The following ABCB9 variants were observed in gnomAD, a reference collection of about 807,000 sequenced individuals.
ABCB9 encodes ABC-type oligopeptide transporter ABCB9.
In ABCB9, 36 loss-of-function variants were observed where a neutral mutation model predicts 62.0. The observed-to-expected ratio is 0.58, with a 90% CI of 0.45 to 0.77. The LOEUF is 0.77. Among genes scored for constraint, ABCB9 ranks in the 30% least tolerant of loss-of-function variants. The pLI is 0.00. For synonymous variants in ABCB9, 435 were observed against 461.4 expected (o/e 0.94, Z 0.73); for missense variants, 943 against 1,054.7 (o/e 0.89, Z 1.47).
Position 122,946,017 on chromosome 12 carries a change from G to T in ABCB9, c.1251+8C>A, listed in dbSNP as rs2036026733. ...CACAGCCAGAGCTGCCTGGCCAGGG[G>T]CACGTACCCCGCTGCCCCAGACGTA... On this transcript the variant is annotated splice_region_variant and intron_variant, in intron 6 of 11. Coordinates refer to ENST00000280560, the MANE Select transcript of ABCB9 (RefSeq NM_019625.4). 1 of 1,612,768 alleles carries T rather than the reference G, an allele frequency of 6.2e-7. No homozygotes were observed. The highest frequency in any genetic ancestry group is 1.3e-5 in the African/African-American group (1 of 74,864).
In ABCB9 at chr12:122,945,930, A is replaced by G. The variant is rs74777157; in HGVS notation, c.1251+95T>C. The G allele has an allele frequency of 1.4e-3, 1,656 of 1,168,986 alleles. 14 individuals are homozygous for G. In the African/African-American group the frequency reaches 0.021, roughly 15 times the overall value. 72.4% of individuals were successfully genotyped at this position (1,168,986 alleles called of 1,614,324 possible). A position where few individuals can be genotyped will look rare whatever the true frequency, so the allele number is the denominator to read the frequency against. ...CAGACAGATTCTCCACCAGCTTGAC[A>G]CCAACATGCAGGACTGATGTCCTAG... On this transcript the variant is annotated intron_variant, in intron 6 of 11. Coordinates refer to ENST00000280560, the MANE Select transcript of ABCB9 (RefSeq NM_019625.4).
At chr12:122,957,412 GA>G (rs1403804565) in intron 2 of ABCB9, among the ~76,000 whole-genome samples, 1 of 152,106 alleles carries the variant, frequency 6.6e-6, no homozygotes, top group African/African-American at 2.4e-5. Context: ...ACAGAGGAGG[GA>G]AGTGAGGCTC....
intron 2 of ABCB9, among the ~76,000 whole-genome samples, chr12:122,955,796 C>G (rs929765971): frequency 2.0e-5 from 3 of 151,798 alleles, no homozygotes; most frequent in African/African-American, 7.3e-5. Flanking sequence ...ACTGCAGCCT[C>G]CACCTCCTGG....
At chr12:122,925,485 A>G (rs978439699), downstream of ABCB9, among the ~76,000 whole-genome samples, 4 of 152,142 alleles carry the variant, frequency 2.6e-5, no homozygotes, top group Non-Finnish European at 4.4e-5. Flanking sequence ...GCGGTGGCTC[A>G]TGCCTGTAAT....
intron 1 of ABCB9, among the ~76,000 whole-genome samples, chr12:122,961,237 G>A (rs2036885983): frequency 6.6e-6 from 1 of 151,906 alleles, no homozygotes; most frequent in Admixed American, 6.6e-5. Flanking sequence ...GCCCAGGCTG[G>A]AGTACAGTGG....
At chr12:122,969,152 C>T (rs564204167), upstream of ABCB9, among the ~76,000 whole-genome samples, 67 of 143,708 alleles carry the variant, frequency 4.7e-4, no homozygotes, top group Non-Finnish European at 1.2e-4. Context: ...CCACCAGTCA[C>T]TGCCTTCCCA....
intron 9 of ABCB9, among the ~76,000 whole-genome samples, chr12:122,938,217 TAAAACAAAAC>T (rs756119000): frequency 1.4e-4 from 21 of 152,120 alleles, no homozygotes; most frequent in African/African-American, 4.1e-4. Flanking sequence ...TTGGTAATGG[TAAAACAAAAC>T]AAAACAAAAC....
rs1461640191 is a variant in ABCB9, at chr12:122,947,426, C to T, written c.1053+1198G>A. On this transcript the variant is annotated intron_variant, in intron 5 of 11. Coordinates refer to ENST00000280560, the MANE Select transcript of ABCB9 (RefSeq NM_019625.4). This position sits in a 1 kb window ranked among gnomAD's most constrained non-coding sequence, Gnocchi z 6.0. ...AGATGGCTTCCTTTGCTACCCTGGT[C>T]TCAGGTCACCAACACCAAAGGCTCC... 2.3e-6 allele frequency: 1 copy of T among 443,008 alleles called. No homozygotes were observed. Among genetic ancestry groups the T allele is most frequent in the Non-Finnish European group, 4.6e-6 (1 of 219,394 alleles). 27.4% of individuals were successfully genotyped at this position (443,008 alleles called of 1,614,324 possible). A position where few individuals can be genotyped will look rare whatever the true frequency, so the allele number is the denominator to read the frequency against.
At chr12:122,962,400 G>A (rs2036950303) in intron 1 of ABCB9, among the ~76,000 whole-genome samples, 3 of 152,204 alleles carry the variant, frequency 2.0e-5, no homozygotes, top group South Asian at 2.1e-4. Flanking sequence ...GGGTGACAGC[G>A]GGGATGACTG....
Position 122,940,243 on chromosome 12 carries a change from C to CCCGAGGGCCCG in ABCB9, c.1610_1611insCGGGCCCTCGG (p.Val538GlyfsTer48). The CCCGAGGGCCCG allele has an allele frequency of 1.9e-6, 3 of 1,609,850 alleles. No individual in the cohort carries two copies. The highest frequency in any genetic ancestry group is 2.5e-6 in the Non-Finnish European group (3 of 1,177,428). ...TCTTCCCACTGCCCGAGGGCCCCAC[C>CCCGAGGGCCCG]AGGGCCGTCACCTTGCCGGGGGACA... On this transcript the variant is annotated frameshift_variant, in exon 9 of 12. Coordinates refer to ENST00000280560, the MANE Select transcript of ABCB9 (RefSeq NM_019625.4). LOFTEE classifies it high-confidence loss of function. This position sits in a 1 kb window ranked among gnomAD's most constrained non-coding sequence, Gnocchi z 4.8.
At chr12:122,962,721 C>G (rs566300106) in intron 1 of ABCB9, among the ~76,000 whole-genome samples, 3 of 152,310 alleles carry the variant, frequency 2.0e-5, no homozygotes, top group Admixed American at 2.0e-4. Flanking sequence ...TAACTACAAG[C>G]AGACAGGGAT....
downstream of ABCB9, among the ~76,000 whole-genome samples, chr12:122,919,921 A>ATTTT (rs1555268653): frequency 7.8e-6 from 1 of 127,646 alleles, no homozygotes; most frequent in African/African-American, 2.9e-5. Flanking sequence ...TTATTTATTT[A>ATTTT]TTTTAGATGG....
chr12:122,933,601 C>A (rs2035306960), intron 10 of ABCB9, among the ~76,000 whole-genome samples: 2 of 151,638 alleles, frequency 1.3e-5, no homozygotes, highest in Admixed American at 1.3e-4. Context: ...AGTGCATTCA[C>A]AATGTTGCAC....
chr12:122,949,963 C>T (rs775713778), intron 3 of ABCB9, 45 bp from the exon 4 acceptor site: 2 of 1,610,776 alleles, frequency 1.2e-6, no homozygotes, highest in African/African-American at 2.7e-5. Flanking sequence ...CCTTCCAGAC[C>T]AGTGACCACA....
At position 122,929,358 on chromosome 12, in the gene ABCB9, C is replaced by G. The variant is rs574780996; in HGVS notation, c.*553G>C. 3 of 985,922 alleles carry G rather than the reference C, an allele frequency of 3.0e-6. No individual in the cohort carries two copies. The highest frequency in any genetic ancestry group is 6.2e-5 in the Admixed American group (1 of 16,260). The allele number at this position is 985,922 out of a possible 1,614,324, so 61.1% of individuals were successfully genotyped here. ...ACAGATGCCCTCCACGCTCCCTACC[C>G]GCCCTGGCCAGACTCACAGAGCTGG... is the stretch of plus-strand genomic sequence containing the variant. On this transcript the variant is annotated 3_prime_UTR_variant, in exon 12 of 12. Transcript: ENST00000280560. This position sits in a 1 kb window ranked among gnomAD's most constrained non-coding sequence, Gnocchi z 6.0.
chr12:122,919,881 GTTTATTTATTTATTTATTTA>G (rs200114805), downstream of ABCB9, among the ~76,000 whole-genome samples: 1,188 of 138,892 alleles, frequency 8.6e-3, 4 homozygotes, highest in Middle Eastern at 0.062. Flanking sequence ...CTGTTTGTTT[GTTTATTTATTTATTTATTTA>G]TTTATTTATT....
Position 122,940,171 on chromosome 12 carries a change from GC to G in ABCB9, c.1682del (p.Gly561AlafsTer21). 1 of 1,613,618 alleles carries G rather than the reference GC, an allele frequency of 6.2e-7. No individual in the cohort carries two copies. The highest frequency in any genetic ancestry group is 1.3e-5 in the African/African-American group (1 of 75,034). ...ILENFYPLEG[G>X]RVLLDGKPIS... The stretch of plus-strand genomic sequence containing the variant: ...TGGGCTTGCCGTCCAGCAGCACCCG[GC>G]CCCCCTCCAGGGGGTAGAAGTTCTC... On this transcript the variant is annotated frameshift_variant, in exon 9 of 12. Transcript: ENST00000280560. LOFTEE classifies it high-confidence loss of function. The surrounding 1 kb of genome is among the most constrained non-coding windows in gnomAD (Gnocchi z 4.8).
chr12:122,946,032 C>A lies in ABCB9; in HGVS notation c.1244G>T (p.Gly415Val). ...EAAAYMYYVW[G>V]SGLTLLVVQV... is the part of the protein sequence containing the mutation. ...CTGGCCAGGGGCACGTACCCCGCTGCCCCAGACGTAGTACATGTAGGCAGC... is the reference window on the plus strand; with the variant it reads ...CTGGCCAGGGGCACGTACCCCGCTGACCCAGACGTAGTACATGTAGGCAGC... Residue 415 changes from glycine to valine, a missense_variant, in exon 6 of 12, where the codon GGC (glycine) becomes GTC (valine). Gly to Val is a moderately radical substitution (Grantham distance 109). Coordinates refer to ENST00000280560, the MANE Select transcript of ABCB9 (RefSeq NM_019625.4). The A allele has an allele frequency of 6.2e-7, 1 of 1,613,572 alleles. No homozygotes were observed.
rs1186103450 is a variant in ABCB9 at position 122,950,723 on chromosome 12, G to T, written c.602-158C>A. On this transcript the variant is annotated intron_variant, in intron 2 of 11. Coordinates refer to ENST00000280560, the MANE Select transcript of ABCB9 (RefSeq NM_019625.4). ...CTTGCTGCCCATCGTGGGGCCCCAG[G>T]GTGCTTAATGCCCCCCTCCTCAGAG... The T allele has an allele frequency of 1.3e-5, 8 of 599,108 alleles. No homozygotes were observed. In the East Asian group the frequency reaches 2.0e-4, roughly 15 times the overall value. 37.1% of individuals were successfully genotyped at this position (599,108 alleles called of 1,614,324 possible). A position where few individuals can be genotyped will look rare whatever the true frequency, so the allele number is the denominator to read the frequency against.
Sources: allele counts gnomAD v4.1 joint callset (sites outside exome capture counted in the v4.1 genomes callset), GRCh38; gene constraint gnomAD v4.1.1; non-coding constraint Gnocchi (gnomAD v3.1); transcripts MANE v1.5; gene names NCBI Gene and HGNC (gene_info 2026-07-23, HGNC 2026-07-21).